Variants in TCF20 observed in about 807,000 individuals in gnomAD.
The protein encoded by TCF20 is SPRE-binding protein.
A neutral mutation model predicts 148.6 loss-of-function variants in TCF20; 3 were observed. The observed-to-expected ratio is 0.02, with a 90% CI of 0.01 to 0.05. The LOEUF is 0.05. Among genes scored for constraint, TCF20 ranks in the 10% least tolerant of loss-of-function variants. TCF20 has a pLI of 1.00. For missense variants in TCF20, 2,350 were observed against 2,429.3 expected, an observed-to-expected ratio of 0.97 and a Z score of 0.69; for synonymous variants, 1,049 against 909.5, an observed-to-expected ratio of 1.15 and a Z score of -2.76.
At chr22:42,340,601 G>A (rs1418382628) in intron 1 of TCF20, among the ~76,000 whole-genome samples, 1 of 152,112 alleles carries the variant, frequency 6.6e-6, no homozygotes, top group Non-Finnish European at 1.5e-5. Flanking sequence ...CATTTCCAAA[G>A]ACAAGTACAC....
At chr22:42,250,286 A>G (rs1028401729) in intron 1 of TCF20, among the ~76,000 whole-genome samples, 1 of 152,042 alleles carries the variant, frequency 6.6e-6, no homozygotes, top group Non-Finnish European at 1.5e-5. Flanking sequence ...AAAAATTAAT[A>G]ATACAAAAAT....
chr22:42,199,172 A>G (rs180998838), intron 2 of TCF20, among the ~76,000 whole-genome samples: 1 of 152,192 alleles, frequency 6.6e-6, no homozygotes, highest in Non-Finnish European at 1.5e-5. Context: ...TAATACTGTT[A>G]TCTTTATGTA....
At chr22:42,170,626 CAAAAAAAAAAA>C (rs58579686) in intron 3 of TCF20, among the ~76,000 whole-genome samples, 16 of 72,106 alleles carry the variant, frequency 2.2e-4, no homozygotes, top group Admixed American at 1.4e-3. Flanking sequence ...GACTCCGTCT[CAAAAAAAAAAA>C]AAAAAAAAAA....
chr22:42,287,336 A>G (rs1407357199), upstream of TCF20, among the ~76,000 whole-genome samples: 1 of 152,156 alleles, frequency 6.6e-6, no homozygotes, highest in East Asian at 1.9e-4. Flanking sequence ...GGAATCATCT[A>G]GTTCAACCAT....
intron 1 of TCF20, among the ~76,000 whole-genome samples, chr22:42,331,830 T>C (rs757386330): frequency 1.2e-4 from 18 of 152,210 alleles, no homozygotes; most frequent in Non-Finnish European, 2.1e-4. Context: ...GAAGGGAAGG[T>C]CTGGTTCCTT....
At chr22:42,194,075 C>T (rs946932754) in intron 2 of TCF20, among the ~76,000 whole-genome samples, 1 of 152,154 alleles carries the variant, frequency 6.6e-6, no homozygotes, top group African/African-American at 2.4e-5. Flanking sequence ...CTAAAGGCAA[C>T]AACTGGGTGT....
intron 1 of TCF20, among the ~76,000 whole-genome samples, chr22:42,266,835 T>TC (rs1204402175): frequency 6.6e-6 from 1 of 152,114 alleles, no homozygotes; most frequent in Non-Finnish European, 1.5e-5. Context: ...AAAAGCCATG[T>TC]CTCCCGATAT....
At chr22:42,196,365 G>C (rs983227486) in intron 2 of TCF20, among the ~76,000 whole-genome samples, 3 of 152,214 alleles carry the variant, frequency 2.0e-5, no homozygotes, top group Non-Finnish European at 2.9e-5. Flanking sequence ...CTCTGAAGAG[G>C]AGGGAGACAC....
At chr22:42,255,155 C>A (rs188864683) in intron 1 of TCF20, among the ~76,000 whole-genome samples, 1 of 151,952 alleles carries the variant, frequency 6.6e-6, no homozygotes, top group Non-Finnish European at 1.5e-5. Context: ...ATGTTTAGAA[C>A]AAGTCCTGGC....
chr22:42,169,641 A>G (rs1197584731), intron 4 of TCF20, among the ~76,000 whole-genome samples: 1 of 152,126 alleles, frequency 6.6e-6, no homozygotes, highest in Admixed American at 6.5e-5. Context: ...GATCCTCATA[A>G]TACTCCGAGT....
chr22:42,224,534 CAAAAAAAA>C (rs66858906), intron 1 of TCF20, among the ~76,000 whole-genome samples: 2 of 39,522 alleles, frequency 5.1e-5, no homozygotes, highest in African/African-American at 1.9e-4. Flanking sequence ...AAAGCTGGTA[CAAAAAAAA>C]AAAAAAAAAA....
chr22:42,332,455 G>C (rs560539080), intron 1 of TCF20, among the ~76,000 whole-genome samples: 1 of 152,150 alleles, frequency 6.6e-6, no homozygotes, highest in African/African-American at 2.4e-5. Context: ...TGGGTTCGAC[G>C]GGGAGAGTGA....
chr22:42,206,499 C>T (rs574988367), intron 2 of TCF20, among the ~76,000 whole-genome samples: 5 of 152,258 alleles, frequency 3.3e-5, no homozygotes, highest in Admixed American at 6.5e-5. Flanking sequence ...GGATGATTAA[C>T]GGATTATTTT....
intron 1 of TCF20, among the ~76,000 whole-genome samples, chr22:42,216,078 C>CTTTTT (rs1569156309): frequency 1.7e-4 from 9 of 53,782 alleles, no homozygotes; most frequent in African/African-American, 6.6e-4. Context: ...AAAACCAAAT[C>CTTTTT]CTTTTTTTTT....
At chr22:42,314,195 G>C (rs1268695260) in intron 1 of TCF20, among the ~76,000 whole-genome samples, 1 of 152,248 alleles carries the variant, frequency 6.6e-6, no homozygotes, top group African/African-American at 2.4e-5. Context: ...CCAAGGACCT[G>C]AAGATAAACT....
At chr22:42,323,031 C>A (rs558351561) in intron 1 of TCF20, among the ~76,000 whole-genome samples, 1 of 151,636 alleles carries the variant, frequency 6.6e-6, no homozygotes, top group Non-Finnish European at 1.5e-5. Context: ...CTCAGCCTCC[C>A]GAGTAGCTTG....
chr22:42,307,979 G>A (rs1173494896), intron 1 of TCF20, among the ~76,000 whole-genome samples: 1 of 152,240 alleles, frequency 6.6e-6, no homozygotes, highest in Non-Finnish European at 1.5e-5. Context: ...TGGCCAATAG[G>A]GGCGCAGGCT....
intron 5 of TCF20, among the ~76,000 whole-genome samples, chr22:42,163,319 A>AG (rs1432263964): frequency 2.6e-5 from 4 of 152,202 alleles, no homozygotes; most frequent in African/African-American, 9.6e-5. Context: ...GCAGTTCCTC[A>AG]GCACCTGCAG....
chr22:42,303,309 G>A (rs944971192), intron 1 of TCF20, among the ~76,000 whole-genome samples: 4 of 152,260 alleles, frequency 2.6e-5, no homozygotes, highest in Non-Finnish European at 2.9e-5. Context: ...CGCGTACCGA[G>A]GAGCTGAGGG....
Sources: allele counts gnomAD v4.1 joint callset (sites outside exome capture counted in the v4.1 genomes callset), GRCh38; gene constraint gnomAD v4.1.1; transcripts MANE v1.5; gene names NCBI Gene and HGNC (gene_info 2026-07-23, HGNC 2026-07-21).